Variants in KDSR observed in about 807,000 individuals in gnomAD.
KDSR encodes the protein 3-ketodihydrosphingosine reductase.
KDSR carries 23 observed loss-of-function variants against 41.3 expected under a neutral mutation model. The observed-to-expected ratio is 0.56, with a 90% confidence interval of 0.40 to 0.79. KDSR has a LOEUF of 0.79. KDSR is among the 30% of genes least tolerant of loss of function. The pLI is 0.00. For missense variants in KDSR, 351 were observed against 416.8 expected (o/e 0.84, Z 1.37); for synonymous variants, 138 against 151.7 (o/e 0.91, Z 0.66).
chr18:63,343,170 G>A (rs1914394292), intron 7 of KDSR, among the ~76,000 whole-genome samples: 1 of 152,012 alleles, frequency 6.6e-6, no homozygotes, highest in Admixed American at 6.6e-5. Context: ...ATGCAAGAAC[G>A]GACTAATACA....
intron 6 of KDSR, among the ~76,000 whole-genome samples, chr18:63,349,264 T>C (rs1405394315): frequency 2.0e-5 from 3 of 152,080 alleles, no homozygotes; most frequent in Non-Finnish European, 1.5e-5. Flanking sequence ...GCACTTGTGG[T>C]CTTAGCTACT....
intron 6 of KDSR, among the ~76,000 whole-genome samples, chr18:63,349,874 C>T (rs916426015): frequency 6.6e-5 from 10 of 152,224 alleles, no homozygotes; most frequent in Admixed American, 6.5e-4. Context: ...CTATCATAGC[C>T]TACTTAAGTA....
At chr18:63,362,635 G>A in intron 2 of KDSR, 144 bp downstream of exon 2, 1 of 602,142 alleles carries the variant, frequency 1.7e-6, no homozygotes, top group Non-Finnish European at 3.0e-6. Context: ...CTAAATACTA[G>A]AGAGAATCAG....
chr18:63,333,002 T>C (rs2144345685), intron 9 of KDSR, among the ~76,000 whole-genome samples: 1 of 150,810 alleles, frequency 6.6e-6, no homozygotes, highest in Middle Eastern at 3.4e-3. Context: ...AAGAAGAAGA[T>C]GGGTAAAGAA....
Position 63,350,679 on chromosome 18 carries a change from C to G in KDSR, c.609+209G>C, listed in dbSNP as rs886981376. 1.1e-4 allele frequency among the ~76,000 whole-genome samples: 17 copies of G among 152,164 alleles called. 1 individual carries two copies. The East Asian group carries it at 3.1e-3, about 28-fold the overall frequency. ...AGTTAAACAAGCAAAAATCCCATTA[C>G]CATTTTGCATCTGTCGTTAACTATA... On this transcript the variant is annotated intron_variant, in intron 6 of 9. Coordinates refer to ENST00000645214, the MANE Select transcript of KDSR (RefSeq NM_002035.4).
chr18:63,351,296 GT>G (rs3842399), intron 5 of KDSR, among the ~76,000 whole-genome samples: 47,690 of 152,148 alleles, frequency 0.31, 9,398 homozygotes, highest in Non-Finnish European at 0.43. Context: ...TTTGAAGACT[GT>G]TTCAGTCTAG....
At chr18:63,343,745 T>TA (rs35026156) in intron 7 of KDSR, among the ~76,000 whole-genome samples, 44,992 of 143,830 alleles carry the variant, frequency 0.31, 6,847 homozygotes, top group African/African-American at 0.35. Context: ...TTCTAAATCT[T>TA]AAAAAAAAAA....
chr18:63,330,391 AGCAG>A lies in KDSR; in HGVS notation c.*1387_*1390del, dbSNP rs1445592593. ...TCAAGTCAGAGGAGTGTGAACAATG[AGCAG>A]GATGCAACGGGGAATGTTGGCTAAA... On this transcript the variant is annotated 3_prime_UTR_variant, in exon 10 of 10. Coordinates refer to ENST00000645214, the MANE Select transcript of KDSR (RefSeq NM_002035.4). 4.4e-6 allele frequency: 1 copy of A among 228,348 alleles called. No individual in the cohort carries two copies. The highest frequency in any genetic ancestry group is 2.2e-5 in the African/African-American group (1 of 45,074). The allele number at this position is 228,348 out of a possible 1,614,324, so 14.1% of individuals were successfully genotyped here.
At chr18:63,337,092 C>CGATATA (rs1491226334) in intron 8 of KDSR, among the ~76,000 whole-genome samples, 1 of 28,430 alleles carries the variant, frequency 3.5e-5, no homozygotes. Context: ...ATATATGTGA[C>CGATATA]TTTATATATA....
chr18:63,361,060 G>T (rs4940585), intron 2 of KDSR, among the ~76,000 whole-genome samples: 2 of 117,642 alleles, frequency 1.7e-5, no homozygotes, highest in African/African-American at 6.8e-5. Context: ...TTATATATAT[G>T]TAAATATATA....
chr18:63,352,942 G>A (rs1914695057), intron 5 of KDSR, among the ~76,000 whole-genome samples: 1 of 151,074 alleles, frequency 6.6e-6, no homozygotes, highest in Admixed American at 6.6e-5. Context: ...CAAGGTAGGT[G>A]GATTACCTGA....
chr18:63,355,741 A>G (rs1165136471), intron 3 of KDSR, among the ~76,000 whole-genome samples, 178 bp from the exon 4 acceptor site: 1 of 152,234 alleles, frequency 6.6e-6, no homozygotes, highest in Non-Finnish European at 1.5e-5. Flanking sequence ...CAGCTTTTGG[A>G]GTTAAAACTC....
rs138869280 is a variant in KDSR at position 63,331,326 on chromosome 18, C to CAGAG, written c.*452_*455dup. 6 of 92,610 alleles carry CAGAG rather than the reference C, an allele frequency of 6.5e-5. No homozygotes were observed. The highest frequency in any genetic ancestry group is 2.1e-4 in the African/African-American group (4 of 18,662). 5.7% of individuals were successfully genotyped at this position (92,610 alleles called of 1,614,324 possible). A position where few individuals can be genotyped will look rare whatever the true frequency, so the allele number is the denominator to read the frequency against. ...ACAGAGAGACAGAGAGACAGAGAGA[C>CAGAG]AGAGAGAGAGAGAGAGAGAACCCGA... On this transcript the variant is annotated 3_prime_UTR_variant, in exon 10 of 10. Coordinates refer to ENST00000645214, the MANE Select transcript of KDSR (RefSeq NM_002035.4).
At chr18:63,357,992 A>G (rs988947138) in intron 3 of KDSR, among the ~76,000 whole-genome samples, 4 of 151,996 alleles carry the variant, frequency 2.6e-5, no homozygotes, top group African/African-American at 4.8e-5. Context: ...CCTGATCAAC[A>G]TGGTGAAACC....
At chr18:63,345,993 A>G (rs1420676501) in intron 6 of KDSR, 2 of 151,784 alleles carry the variant, frequency 1.3e-5, no homozygotes, top group Non-Finnish European at 2.9e-5. Flanking sequence ...AGTAGCCCAG[A>G]GTCTCATCTT....
chr18:63,343,453 A>G (rs767212240), intron 7 of KDSR, among the ~76,000 whole-genome samples: 4 of 150,878 alleles, frequency 2.7e-5, no homozygotes, highest in South Asian at 4.2e-4. Flanking sequence ...CAGTACTACA[A>G]TCATGGCTCA....
rs574022066 is a variant in KDSR at position 63,330,596 on chromosome 18, C to G, written c.*1186G>C. 2.6e-3 allele frequency: 593 copies of G among 231,906 alleles called. No individual in the cohort carries two copies. The highest frequency in any genetic ancestry group is 4.0e-3 in the Non-Finnish European group (468 of 117,272). The allele number at this position is 231,906 out of a possible 1,614,324, so 14.4% of individuals were successfully genotyped here. A position where few individuals can be genotyped will look rare whatever the true frequency, so the allele number is the denominator to read the frequency against. The stretch of plus-strand genomic sequence containing the variant: ...TTCAGTGGGAGAGTCACATAAAGAA[C>G]AGGTGATCATTTTATTTCAAAAGCA... On this transcript the variant is annotated 3_prime_UTR_variant, in exon 10 of 10. Transcript: ENST00000645214.
chr18:63,361,328 T>A (rs1914981214), intron 2 of KDSR, among the ~76,000 whole-genome samples: 1 of 150,440 alleles, frequency 6.6e-6, no homozygotes, highest in South Asian at 2.1e-4. Context: ...GGGCCTGAAA[T>A]GCTGGCCTTC....
Position 63,365,513 on chromosome 18 carries a change from C to T in KDSR, c.108+1498G>A, listed in dbSNP as rs1488136260. Among the ~76,000 whole-genome samples the T allele has an allele frequency of 2.6e-5, 4 of 152,288 alleles. No homozygotes were observed. In the East Asian group the frequency reaches 7.7e-4, roughly 29 times the overall value. On this transcript the variant is annotated intron_variant, in intron 1 of 9. Coordinates refer to ENST00000645214, the MANE Select transcript of KDSR (RefSeq NM_002035.4). ...GAAATAATAATCCTGCGTATTAAAG[C>T]GGGATGGTAAAAATAAATTCTTCTT...
Sources: allele counts gnomAD v4.1 joint callset (sites outside exome capture counted in the v4.1 genomes callset), GRCh38; gene constraint gnomAD v4.1.1; transcripts MANE v1.5; gene names NCBI Gene and HGNC (gene_info 2026-07-23, HGNC 2026-07-21).